Variants in SUCLG2 observed in about 807,000 individuals in gnomAD.
SUCLG2 encodes the protein succinate--CoA ligase [GDP-forming] subunit beta, mitochondrial.
A neutral mutation model predicts 47.9 loss-of-function variants in SUCLG2; 42 were observed. The ratio of observed to expected loss-of-function variants is 0.88; its 90% confidence interval spans 0.69 to 1.14. SUCLG2 has a LOEUF of 1.14. Ranked by LOEUF, SUCLG2 falls within the 50% of genes most tolerant of loss-of-function variation. The pLI is 0.00. For synonymous variants in SUCLG2, 195 were observed against 197.3 expected, an observed-to-expected ratio of 0.99 and a Z score of 0.10; for missense variants, 571 against 525.9, an observed-to-expected ratio of 1.09 and a Z score of -0.84.
intron 10 of SUCLG2, among the ~76,000 whole-genome samples, chr3:67,389,531 G>T (rs1296681609): frequency 6.6e-6 from 1 of 152,154 alleles, no homozygotes; most frequent in Non-Finnish European, 1.5e-5. Context: ...AGTACTTCCA[G>T]TGGAGAAAAA....
intron 1 of SUCLG2, among the ~76,000 whole-genome samples, chr3:67,652,196 A>G (rs1226562308): frequency 3.3e-5 from 5 of 152,122 alleles, no homozygotes; most frequent in Non-Finnish European, 7.4e-5. Flanking sequence ...ACTAAGCATC[A>G]GGAATATGTG....
chr3:67,518,122 GAA>G, intron 6 of SUCLG2, 123 bp downstream of exon 6: 1 of 828,392 alleles, frequency 1.2e-6, no homozygotes. Flanking sequence ...ACAGCTGGAG[GAA>G]AAAATTATAA....
At chr3:67,586,095 C>T (rs1708014139) in intron 2 of SUCLG2, among the ~76,000 whole-genome samples, 1 of 151,968 alleles carries the variant, frequency 6.6e-6, no homozygotes, top group Admixed American at 6.6e-5. Flanking sequence ...AAAAATCACA[C>T]CCACTTTATC....
chr3:67,520,880 C>G (rs1249618999), intron 4 of SUCLG2, among the ~76,000 whole-genome samples: 1 of 152,102 alleles, frequency 6.6e-6, no homozygotes, highest in Non-Finnish European at 1.5e-5. Context: ...AGGAACCTTC[C>G]CACTTTAATC....
chr3:67,397,179 T>C (rs1439650407), intron 10 of SUCLG2, among the ~76,000 whole-genome samples: 4 of 151,986 alleles, frequency 2.6e-5, no homozygotes, highest in South Asian at 2.1e-4. Flanking sequence ...CCAGGGCAAT[T>C]AGGCAGGAGA....
chr3:67,641,164 C>T (rs1004763158), intron 1 of SUCLG2, among the ~76,000 whole-genome samples: 4 of 152,178 alleles, frequency 2.6e-5, no homozygotes, highest in Admixed American at 2.0e-4. Flanking sequence ...ACCTGTGCCC[C>T]TTTCCTTGGG....
chr3:67,519,123 T>G (rs1291575694), intron 5 of SUCLG2, among the ~76,000 whole-genome samples: 1 of 151,982 alleles, frequency 6.6e-6, no homozygotes, highest in South Asian at 2.1e-4. Context: ...CACATTCCCC[T>G]CTTGTCTGAG....
chr3:67,615,228 A>C lies in SUCLG2; in HGVS notation c.85-5632T>G, dbSNP rs576933981. On this transcript the variant is annotated intron_variant, in intron 1 of 10. Coordinates refer to ENST00000307227, the MANE Select transcript of SUCLG2 (RefSeq NM_003848.4). ...GGCAAAAACTGACATAAAAACTCCA[A>C]GCACAAAACCAGACAGCTACACAGA... is the stretch of plus-strand genomic sequence containing the variant. 2.0e-5 allele frequency among the ~76,000 whole-genome samples: 3 copies of C among 151,016 alleles called. No homozygotes were observed. In the South Asian group the frequency reaches 6.3e-4, roughly 32 times the overall value.
intron 2 of SUCLG2, among the ~76,000 whole-genome samples, chr3:67,557,226 C>T (rs1218125818): frequency 2.0e-5 from 3 of 152,174 alleles, no homozygotes; most frequent in African/African-American, 7.2e-5. Context: ...CTACAATACT[C>T]AGGTGACATT....
At chr3:67,379,981 T>G (rs1417856993) in intron 10 of SUCLG2, among the ~76,000 whole-genome samples, 2 of 152,178 alleles carry the variant, frequency 1.3e-5, no homozygotes, top group Non-Finnish European at 2.9e-5. Context: ...CCTCCCAATA[T>G]CCGTTAGCTA....
At chr3:67,370,782 G>C (rs902924162), downstream of SUCLG2, among the ~76,000 whole-genome samples, 1 of 152,178 alleles carries the variant, frequency 6.6e-6, no homozygotes, top group Non-Finnish European at 1.5e-5. Flanking sequence ...TCTATTTTCT[G>C]ACTGTAGCTG....
intron 2 of SUCLG2, among the ~76,000 whole-genome samples, chr3:67,531,740 A>C (rs1706409573): frequency 6.6e-6 from 1 of 152,214 alleles, no homozygotes; most frequent in South Asian, 2.1e-4. Flanking sequence ...TAAGTCAGCA[A>C]GTCAGCAGCC....
At chr3:67,510,854 C>T (rs1175064852) in intron 6 of SUCLG2, among the ~76,000 whole-genome samples, 2 of 151,316 alleles carry the variant, frequency 1.3e-5, no homozygotes, top group Non-Finnish European at 2.9e-5. Flanking sequence ...AGGAATGTAG[C>T]CATTTTAAAC....
rs559302943 is a variant in SUCLG2 at position 67,429,033 on chromosome 3, C to T, written c.1063-28182G>A. On this transcript the variant is annotated intron_variant, in intron 9 of 10. Coordinates refer to ENST00000307227, the MANE Select transcript of SUCLG2 (RefSeq NM_003848.4). ...CCAAGTTGGAAAACACTCTTCAGGA[C>T]ATTACCCAGAAGAACTTCCCCAACC... Among the ~76,000 whole-genome samples, 11 of 152,256 alleles carry T rather than the reference C, an allele frequency of 7.2e-5. No homozygotes were observed. In the East Asian group the frequency reaches 1.9e-3, roughly 27 times the overall value.
At chr3:67,456,065 T>TTCC (rs1553645999) in intron 9 of SUCLG2, among the ~76,000 whole-genome samples, 1 of 151,778 alleles carries the variant, frequency 6.6e-6, no homozygotes, top group Non-Finnish European at 1.5e-5. Flanking sequence ...TTAATTCTTC[T>TTCC]TTCATTAGTG....
chr3:67,536,471 T>C (rs1339056008), intron 2 of SUCLG2, among the ~76,000 whole-genome samples: 1 of 152,212 alleles, frequency 6.6e-6, no homozygotes, highest in Non-Finnish European at 1.5e-5. Flanking sequence ...CCCTGCTGTC[T>C]GTTCACTGCC....
intron 2 of SUCLG2, among the ~76,000 whole-genome samples, chr3:67,530,204 C>A (rs1384625421): frequency 6.6e-6 from 1 of 152,122 alleles, no homozygotes; most frequent in East Asian, 1.9e-4. Context: ...TCATCCCTCA[C>A]CCAGCTGTGT....
At chr3:67,512,657 A>G (rs1452032061) in intron 6 of SUCLG2, among the ~76,000 whole-genome samples, 1 of 151,128 alleles carries the variant, frequency 6.6e-6, no homozygotes, top group Admixed American at 6.6e-5. Context: ...AAAATTCACC[A>G]TATCTCAACC....
At chr3:67,602,932 C>T (rs1708450564) in intron 2 of SUCLG2, among the ~76,000 whole-genome samples, 1 of 152,060 alleles carries the variant, frequency 6.6e-6, no homozygotes, top group Non-Finnish European at 1.5e-5. Flanking sequence ...GAAGGCAGGA[C>T]AATCAGACTT....
Sources: allele counts gnomAD v4.1 joint callset (sites outside exome capture counted in the v4.1 genomes callset), GRCh38; gene constraint gnomAD v4.1.1; transcripts MANE v1.5; gene names NCBI Gene and HGNC (gene_info 2026-07-23, HGNC 2026-07-21).